Variants in DCC observed in about 807,000 individuals in gnomAD.
The protein encoded by DCC is DCC netrin 1 receptor.
In DCC, 58 loss-of-function variants were observed where a neutral mutation model predicts 172.5. That is an observed-to-expected ratio of 0.34 (90% CI 0.27 to 0.42). The LOEUF (loss-of-function observed/expected upper bound fraction) is 0.42. DCC is among the 10% of genes least tolerant of loss of function. The pLI is 1.00. For missense variants in DCC, 1,740 were observed against 1,791.0 expected, an observed-to-expected ratio of 0.97 and a Z score of 0.51; for synonymous variants, 709 against 644.5, an observed-to-expected ratio of 1.10 and a Z score of -1.52.
chr18:52,750,343 A>G (rs749357501), intron 1 of DCC, among the ~76,000 whole-genome samples: 2 of 152,216 alleles, frequency 1.3e-5, no homozygotes, highest in Non-Finnish European at 2.9e-5. Flanking sequence ...GAAGAACAGG[A>G]TGTACTATAA....
chr18:53,432,839 A>C (rs1410816379), intron 21 of DCC, among the ~76,000 whole-genome samples: 1 of 152,022 alleles, frequency 6.6e-6, no homozygotes, highest in African/African-American at 2.4e-5. Flanking sequence ...ACATCACTCA[A>C]AATTAAAATT....
chr18:52,459,671 A>G (rs892691219), intron 1 of DCC, among the ~76,000 whole-genome samples: 1 of 151,782 alleles, frequency 6.6e-6, no homozygotes, highest in Non-Finnish European at 1.5e-5. Flanking sequence ...GGGTTTCACC[A>G]TGTTAGCCAG....
At chr18:52,551,727 TACACACACACAC>T (rs74178673) in intron 1 of DCC, among the ~76,000 whole-genome samples, 11 of 126,280 alleles carry the variant, frequency 8.7e-5, no homozygotes, top group Non-Finnish European at 3.5e-5. Flanking sequence ...TACTCTCCTC[TACACACACACAC>T]ACACACACAC....
rs1235201186 is a variant in DCC at position 52,414,024 on chromosome 18, T to C, written c.91+73146T>C. On this transcript the variant is annotated intron_variant, in intron 1 of 28. Transcript: ENST00000442544. The stretch of plus-strand genomic sequence containing the variant: ...TTCATCTCTTAGATGCATGAGGATA[T>C]TCACAGTATCTTTGATTTTAAGTCC... 2.0e-5 allele frequency among the ~76,000 whole-genome samples: 3 copies of C among 152,292 alleles called. No individual in the cohort carries two copies. The East Asian group carries it at 5.8e-4, about 29-fold the overall frequency.
chr18:52,831,017 TTAG>T (rs1181133687), intron 2 of DCC, among the ~76,000 whole-genome samples: 2 of 152,106 alleles, frequency 1.3e-5, no homozygotes, highest in East Asian at 1.9e-4. Flanking sequence ...AGTCTCGGTA[TTAG>T]TAGGACATTC....
chr18:52,505,944 T>C (rs867060356), intron 1 of DCC, among the ~76,000 whole-genome samples: 1 of 152,144 alleles, frequency 6.6e-6, no homozygotes, highest in Non-Finnish European at 1.5e-5. Context: ...AATCTGCAAA[T>C]TTTATGGAAA....
chr18:52,520,553 G>A (rs144971673), intron 1 of DCC, among the ~76,000 whole-genome samples: 68 of 152,184 alleles, frequency 4.5e-4, no homozygotes, highest in African/African-American at 1.5e-3. Flanking sequence ...AGAAATTTGC[G>A]GGGAGGCCTT....
chr18:53,128,750 T>C (rs1210509724), intron 7 of DCC, among the ~76,000 whole-genome samples: 2 of 151,202 alleles, frequency 1.3e-5, no homozygotes, highest in African/African-American at 2.4e-5. Context: ...TTTTGAAGAC[T>C]TGCCTTCCTG....
chr18:53,422,499 T>G (rs1910689087), intron 21 of DCC, among the ~76,000 whole-genome samples: 1 of 152,204 alleles, frequency 6.6e-6, no homozygotes, highest in Middle Eastern at 3.2e-3. Context: ...TGCAGACTCA[T>G]GATCTGTCAT....
chr18:53,034,624 C>A (rs1186942643), intron 5 of DCC, among the ~76,000 whole-genome samples: 2 of 151,952 alleles, frequency 1.3e-5, no homozygotes, highest in African/African-American at 4.8e-5. Flanking sequence ...CCCTGTTCTT[C>A]TACATTCTGT....
rs570144378 is a variant in DCC at position 53,306,498 on chromosome 18, AAC to A, written c.2053+783_2053+784del. Among the ~76,000 whole-genome samples, 70 of 152,334 alleles carry A rather than the reference AAC, an allele frequency of 4.6e-4. 1 individual carries two copies. The highest frequency in any genetic ancestry group is 1.5e-3 in the African/African-American group (64 of 41,580). ...CTGTGGTGGCCACAACTTCGGGGCAAACACAGCACTTGCTAGGTCTCCTGGGT... is the reference window on the plus strand; with the variant it reads ...CTGTGGTGGCCACAACTTCGGGGCAAACAGCACTTGCTAGGTCTCCTGGGT... On this transcript the variant is annotated intron_variant, in intron 13 of 28. Transcript: ENST00000442544.
At chr18:52,414,141 T>A (rs1986935447) in intron 1 of DCC, among the ~76,000 whole-genome samples, 1 of 152,044 alleles carries the variant, frequency 6.6e-6, no homozygotes, top group Admixed American at 6.6e-5. Context: ...AGTGCAGTGG[T>A]GCAATCTCAG....
chr18:52,438,272 G>C (rs2144488926), intron 1 of DCC, among the ~76,000 whole-genome samples: 1 of 152,234 alleles, frequency 6.6e-6, no homozygotes, highest in South Asian at 2.1e-4. Context: ...ATGTGCAAAA[G>C]CATTTTGAAA....
chr18:52,819,415 A>G (rs2145268109), intron 2 of DCC, among the ~76,000 whole-genome samples: 1 of 152,332 alleles, frequency 6.6e-6, no homozygotes, highest in Non-Finnish European at 1.5e-5. Flanking sequence ...ATGAAATGGA[A>G]GATATTACAT....
intron 1 of DCC, among the ~76,000 whole-genome samples, chr18:52,590,487 C>T (rs1457507347): frequency 1.3e-5 from 2 of 152,156 alleles, no homozygotes; most frequent in African/African-American, 4.8e-5. Context: ...TTTTTCCATG[C>T]TGATCGTAAT....
chr18:53,132,448 C>T (rs533171473), intron 7 of DCC, among the ~76,000 whole-genome samples: 62 of 152,216 alleles, frequency 4.1e-4, no homozygotes, highest in African/African-American at 1.3e-3. Flanking sequence ...GATGCTGATC[C>T]ACGCTTAAGT....
chr18:53,100,972 G>C (rs897490233), intron 7 of DCC, among the ~76,000 whole-genome samples: 1 of 152,016 alleles, frequency 6.6e-6, no homozygotes, highest in Non-Finnish European at 1.5e-5. Context: ...CAGACCATGG[G>C]GGAGGAAGAC....
intron 2 of DCC, among the ~76,000 whole-genome samples, chr18:52,792,754 GATTCTATTCCATTCTATTCC>G (rs1475444578): frequency 5.4e-3 from 125 of 23,122 alleles, no homozygotes; most frequent in East Asian, 0.04. Context: ...CATTCCAGTT[GATTCTATTCCATTCTATTCC>G]ATTCCATTCC....
chr18:52,917,148 AAACAAG>A (rs1568185490), intron 3 of DCC, among the ~76,000 whole-genome samples: 1 of 150,378 alleles, frequency 6.6e-6, no homozygotes, highest in African/African-American at 2.5e-5. Flanking sequence ...AAAAAAAAAA[AAACAAG>A]AAAAAAATAA....
Sources: allele counts gnomAD v4.1 joint callset (sites outside exome capture counted in the v4.1 genomes callset), GRCh38; gene constraint gnomAD v4.1.1; transcripts MANE v1.5; gene names NCBI Gene and HGNC (gene_info 2026-07-23, HGNC 2026-07-21).